Variants in STAU2 observed in about 807,000 individuals in gnomAD.
STAU2 encodes staufen double-stranded RNA binding protein 2, also known as double-stranded RNA-binding protein Staufen homolog 2.
A neutral mutation model predicts 65.9 loss-of-function variants in STAU2; 20 were observed. That is an observed-to-expected ratio of 0.30 (90% confidence interval 0.21 to 0.44). The LOEUF (loss-of-function observed/expected upper bound fraction) is 0.44, where lower values mean the gene tolerates loss of function less well. Among genes scored for constraint, STAU2 ranks in the 20% least tolerant of loss-of-function variants. STAU2 has a pLI of 1.00. For synonymous variants in STAU2, 232 were observed against 233.9 expected (o/e 0.99, Z 0.07); for missense variants, 558 against 683.9 (o/e 0.82, Z 2.05).
chr8:73,598,176 C>T (rs911033130), intron 10 of STAU2, among the ~76,000 whole-genome samples: 13 of 150,502 alleles, frequency 8.6e-5, no homozygotes, highest in South Asian at 2.1e-4. Flanking sequence ...AACTAGAAAT[C>T]GACATTTATT....
chr8:73,741,844 T>G (rs1421068127), intron 1 of STAU2, among the ~76,000 whole-genome samples: 1 of 152,198 alleles, frequency 6.6e-6, no homozygotes, highest in Non-Finnish European at 1.5e-5. Context: ...ACGGAAAAGA[T>G]ATTCCATGAA....
At chr8:73,703,715 C>A (rs1820287300) in intron 4 of STAU2, among the ~76,000 whole-genome samples, 1 of 152,142 alleles carries the variant, frequency 6.6e-6, no homozygotes, top group Admixed American at 6.5e-5. Context: ...GGAGTACATA[C>A]CACTATATGA....
intron 13 of STAU2, among the ~76,000 whole-genome samples, chr8:73,545,869 G>A (rs1347985963): frequency 1.3e-5 from 2 of 151,340 alleles, no homozygotes; most frequent in African/African-American, 4.9e-5. Context: ...GGATGGTTTC[G>A]ATCTCCTGAC....
chr8:73,512,220 A>T (rs1822445422), intron 13 of STAU2, among the ~76,000 whole-genome samples: 1 of 152,130 alleles, frequency 6.6e-6, no homozygotes, highest in East Asian at 1.9e-4. Flanking sequence ...AAACTGTTTT[A>T]GCGATTCTGG....
intron 3 of STAU2, among the ~76,000 whole-genome samples, chr8:73,730,492 C>G (rs567782701): frequency 2.6e-5 from 4 of 151,928 alleles, no homozygotes; most frequent in African/African-American, 9.7e-5. Flanking sequence ...TTTGGGAGGC[C>G]GAGGAGGGTG....
At chr8:73,572,818 T>C (rs949923303) in intron 12 of STAU2, among the ~76,000 whole-genome samples, 1 of 152,122 alleles carries the variant, frequency 6.6e-6, no homozygotes, top group African/African-American at 2.4e-5. Context: ...ACTGGAAGCA[T>C]TCCCTTTGAA....
At chr8:73,539,158 G>A (rs897383927) in intron 13 of STAU2, among the ~76,000 whole-genome samples, 3 of 152,092 alleles carry the variant, frequency 2.0e-5, no homozygotes, top group Non-Finnish European at 2.9e-5. Flanking sequence ...AAACTATTCA[G>A]AGGACTGTAA....
At chr8:73,569,606 G>T (rs116942083) in intron 12 of STAU2, among the ~76,000 whole-genome samples, 1 of 151,558 alleles carries the variant, frequency 6.6e-6, no homozygotes, top group African/African-American at 2.4e-5. Flanking sequence ...CCTCTGAGAC[G>T]ACGCTTCCAC....
At chr8:73,575,653 A>G (rs1809487165) in intron 12 of STAU2, among the ~76,000 whole-genome samples, 1 of 152,158 alleles carries the variant, frequency 6.6e-6, no homozygotes, top group East Asian at 1.9e-4. Flanking sequence ...GATCTTCAGG[A>G]CATACTGTTA....
chr8:73,550,794 A>G (rs116896707), intron 13 of STAU2: 27,005 of 987,478 alleles, frequency 0.027, 633 homozygotes, highest in Admixed American at 0.13. Context: ...TAAGAGTCCA[A>G]TTAGAAACAC....
chr8:73,578,992 CCCAAAAAAA>C (rs1809787520), intron 12 of STAU2, among the ~76,000 whole-genome samples: 1 of 151,466 alleles, frequency 6.6e-6, no homozygotes, highest in Admixed American at 6.6e-5. Flanking sequence ...TACCCACCCC[CCCAAAAAAA>C]CCAAAAAAAC....
At chr8:73,577,398 GCCTGGGCGACAGAGCAAGACTCCAT>G in intron 12 of STAU2, among the ~76,000 whole-genome samples, 1 of 148,948 alleles carries the variant, frequency 6.7e-6, no homozygotes, top group East Asian at 2.0e-4. Context: ...CTGCACTCCA[GCCTGGGCGACAGAGCAAGACTCCAT>G]CTCAAAAAAA....
chr8:73,437,471 C>T (rs902001528), intron 13 of STAU2, among the ~76,000 whole-genome samples: 1 of 152,154 alleles, frequency 6.6e-6, no homozygotes, highest in Non-Finnish European at 1.5e-5. Flanking sequence ...AAGGAAACGG[C>T]TTCTCCCCTA....
chr8:73,739,850 T>C lies in STAU2; in HGVS notation c.-178A>G. ...TCAATCTTTAAAAAGTAAGCTAAAG[T>C]CCTTGTGGTAGGCAGCCTCTAACAA... On this transcript the variant is annotated 5_prime_UTR_variant, in exon 2 of 15. Transcript: ENST00000524300. 1 of 1,302,188 alleles carries C rather than the reference T, an allele frequency of 7.7e-7. No homozygotes were observed. Among genetic ancestry groups the C allele is most frequent in the Non-Finnish European group, 1.1e-6 (1 of 935,114 alleles). The allele number at this position is 1,302,188 out of a possible 1,614,324, so 80.7% of individuals were successfully genotyped here. A position where few individuals can be genotyped will look rare whatever the true frequency, so the allele number is the denominator to read the frequency against.
At chr8:73,577,232 T>C (rs919728902) in intron 12 of STAU2, among the ~76,000 whole-genome samples, 2 of 151,996 alleles carry the variant, frequency 1.3e-5, no homozygotes, top group Non-Finnish European at 2.9e-5. Context: ...ATCGAGACCA[T>C]CCTGGCTAAC....
intron 13 of STAU2, among the ~76,000 whole-genome samples, chr8:73,504,825 A>G (rs1446598904): frequency 6.6e-6 from 1 of 152,166 alleles, no homozygotes; most frequent in Non-Finnish European, 1.5e-5. Context: ...TTTTCTTTCA[A>G]GCAGTTAGTA....
intron 6 of STAU2, among the ~76,000 whole-genome samples, chr8:73,663,303 A>AT (rs1816979010): frequency 6.6e-6 from 1 of 152,156 alleles, no homozygotes; most frequent in African/African-American, 2.4e-5. Context: ...ATATCATTTT[A>AT]TTTTTGATGT....
intron 6 of STAU2, 73 bp downstream of exon 6, chr8:73,673,034 T>C: frequency 1.5e-6 from 2 of 1,351,058 alleles, no homozygotes; most frequent in South Asian, 2.0e-5. Flanking sequence ...GAAAATACTC[T>C]TTTGAGTGTG....
intron 13 of STAU2, among the ~76,000 whole-genome samples, chr8:73,484,197 A>C (rs1180188563): frequency 6.6e-6 from 1 of 152,166 alleles, no homozygotes; most frequent in Non-Finnish European, 1.5e-5. Flanking sequence ...TTCAGAAGCC[A>C]ACATAATGAT....
Sources: allele counts gnomAD v4.1 joint callset (sites outside exome capture counted in the v4.1 genomes callset), GRCh38; gene constraint gnomAD v4.1.1; transcripts MANE v1.5; gene names NCBI Gene and HGNC (gene_info 2026-07-23, HGNC 2026-07-21).